The following SRGAP2 variants were observed in gnomAD, a reference collection of about 807,000 sequenced individuals.
The protein encoded by SRGAP2 is SLIT-ROBO Rho GTPase-activating protein 2.
Under a neutral mutation model 57.2 loss-of-function variants are expected in SRGAP2, and 15 were observed. That is an observed-to-expected ratio of 0.26 (90% CI 0.18 to 0.40). SRGAP2 has a LOEUF of 0.40. Ranked by LOEUF, SRGAP2 falls within the 10% of genes least tolerant of loss-of-function variation. The probability of loss-of-function intolerance (pLI) is 1.00; values close to 1 mark genes in which losing one functional copy is unlikely to be tolerated. For missense variants in SRGAP2, 520 were observed against 669.6 expected, an observed-to-expected ratio of 0.78 and a Z score of 2.47; for synonymous variants, 249 against 248.0, an observed-to-expected ratio of 1.00 and a Z score of -0.04.
intron 3 of SRGAP2, among the ~76,000 whole-genome samples, chr1:206,337,995 G>A (rs190912450): frequency 3.2e-4 from 48 of 152,160 alleles, no homozygotes; most frequent in South Asian, 6.2e-4. Flanking sequence ...TAATGTCTTC[G>A]AAGCTAATGA....
intron 3 of SRGAP2, among the ~76,000 whole-genome samples, chr1:206,320,842 A>G (rs1673408972): frequency 6.6e-6 from 1 of 152,032 alleles, no homozygotes; most frequent in Admixed American, 6.5e-5. Flanking sequence ...TCTCACACAC[A>G]TATTTTGTTT....
intron 2 of SRGAP2, among the ~76,000 whole-genome samples, chr1:206,295,692 C>T (rs1331591411): frequency 6.7e-6 from 1 of 150,316 alleles, no homozygotes; most frequent in East Asian, 1.9e-4. Flanking sequence ...AATTATATAT[C>T]TTGTGCAATT....
At chr1:206,272,763 T>C (rs2102659710) in intron 2 of SRGAP2, among the ~76,000 whole-genome samples, 1 of 152,302 alleles carries the variant, frequency 6.6e-6, no homozygotes, top group East Asian at 1.9e-4. Flanking sequence ...AATCCCCATC[T>C]TTCCCCAACC....
chr1:206,384,352 G>C (rs1188542410), intron 5 of SRGAP2, among the ~76,000 whole-genome samples: 2 of 151,968 alleles, frequency 1.3e-5, no homozygotes, highest in Non-Finnish European at 2.9e-5. Flanking sequence ...CCAAAGTCTA[G>C]GTCATTGGCA....
In SRGAP2 at chr1:206,376,230, G is replaced by A. The variant is rs549785328; in HGVS notation, c.424-7784G>A. ...ACTTTTTATCGTCTTTCTTTGTTTC[G>A]TTTTGGGAGTTTTGTTTTTTTGTTT... On this transcript the variant is annotated intron_variant, in intron 4 of 22. Coordinates refer to ENST00000573034, the MANE Select transcript of SRGAP2 (RefSeq NM_015326.5). 9.2e-5 allele frequency among the ~76,000 whole-genome samples: 14 copies of A among 152,088 alleles called. No individual in the cohort carries two copies. The South Asian group carries it at 1.7e-3, about 18-fold the overall frequency.
At chr1:206,340,520 C>G (rs1322462559) in intron 3 of SRGAP2, among the ~76,000 whole-genome samples, 1 of 152,062 alleles carries the variant, frequency 6.6e-6, no homozygotes, top group Admixed American at 6.6e-5. Flanking sequence ...AGTATAGACC[C>G]CCCCCAATCC....
chr1:206,318,354 G>C (rs1168229732), intron 3 of SRGAP2, among the ~76,000 whole-genome samples: 1 of 152,102 alleles, frequency 6.6e-6, no homozygotes, highest in Non-Finnish European at 1.5e-5. Flanking sequence ...TTAAGAAAGG[G>C]TTGGCTTCTT....
intron 2 of SRGAP2, among the ~76,000 whole-genome samples, chr1:206,230,629 A>AT (rs782803531): frequency 0.012 from 1,760 of 143,922 alleles, 34 homozygotes; most frequent in African/African-American, 0.039. Flanking sequence ...ATGGAGCTGT[A>AT]TTTTTTTTTT....
chr1:206,425,690 A>G (rs545142888), intron 13 of SRGAP2, among the ~76,000 whole-genome samples: 5 of 151,858 alleles, frequency 3.3e-5, no homozygotes, highest in East Asian at 3.9e-4. Context: ...GCGCACCACA[A>G]CGCCTGGCTT....
At chr1:206,451,603 A>G (rs1663310915) in intron 19 of SRGAP2, among the ~76,000 whole-genome samples, 1 of 152,118 alleles carries the variant, frequency 6.6e-6, no homozygotes, top group South Asian at 2.1e-4. Flanking sequence ...CTGCTTATTT[A>G]GATCCTGATG....
chr1:206,335,336 T>G (rs1553333406), intron 3 of SRGAP2, among the ~76,000 whole-genome samples: 3 of 152,118 alleles, frequency 2.0e-5, no homozygotes, highest in African/African-American at 7.2e-5. Flanking sequence ...ACACATGGGA[T>G]GTAAACAAAG....
At chr1:206,359,326 A>G (rs2102985537) in intron 4 of SRGAP2, among the ~76,000 whole-genome samples, 1 of 82,680 alleles carries the variant, frequency 1.2e-5, no homozygotes, top group East Asian at 3.1e-4. Flanking sequence ...GCCATTGACA[A>G]TTTTAGGCAG....
intron 4 of SRGAP2, among the ~76,000 whole-genome samples, chr1:206,376,966 T>C (rs1399128856): frequency 6.6e-6 from 1 of 151,898 alleles, no homozygotes; most frequent in Non-Finnish European, 1.5e-5. Flanking sequence ...TTTGATCTCA[T>C]TGATTCAGCA....
chr1:206,303,231 G>A, intron 2 of SRGAP2, 50 bp from the exon 3 acceptor site: 1 of 1,342,158 alleles, frequency 7.5e-7, no homozygotes, highest in Non-Finnish European at 9.9e-7. Context: ...CATGCATGGT[G>A]GCTTATTTAG....
At chr1:206,400,307 CAG>C (rs1658019376) in intron 7 of SRGAP2, among the ~76,000 whole-genome samples, 1 of 149,238 alleles carries the variant, frequency 6.7e-6, no homozygotes, top group Non-Finnish European at 1.5e-5. Flanking sequence ...AATATTATCA[CAG>C]AGTTACAGAA....
chr1:206,434,580 G>A (rs1661564265), intron 14 of SRGAP2, among the ~76,000 whole-genome samples: 5 of 152,106 alleles, frequency 3.3e-5, no homozygotes, highest in Admixed American at 2.0e-4. Context: ...AAAGCCAACT[G>A]GTTTTTCCCT....
At chr1:206,238,731 T>A (rs1336319260) in intron 2 of SRGAP2, among the ~76,000 whole-genome samples, 1 of 152,118 alleles carries the variant, frequency 6.6e-6, no homozygotes, top group East Asian at 1.9e-4. Flanking sequence ...TGGCTGGGCA[T>A]TGGGCAGAGT....
At position 206,257,740 on chromosome 1, in the gene SRGAP2, A is replaced by G. The variant is rs868957354; in HGVS notation, c.68-45541A>G. On this transcript the variant is annotated intron_variant, in intron 2 of 22. Coordinates refer to ENST00000573034, the MANE Select transcript of SRGAP2 (RefSeq NM_015326.5). ...GTGGTGGTAGGAAAGCAGACTATATATATACATATATATATACTATATATA... is the reference window on the plus strand; with the variant it reads ...GTGGTGGTAGGAAAGCAGACTATATGTATACATATATATATACTATATATA... 5.9e-5 allele frequency among the ~76,000 whole-genome samples: 7 copies of G among 117,902 alleles called. 1 individual carries two copies. Among genetic ancestry groups the G allele is most frequent in the Non-Finnish European group, 7.2e-5 (4 of 55,780 alleles). 77.3% of individuals were successfully genotyped at this position (117,902 alleles called of 152,430 possible).
At chr1:206,309,197 C>A (rs1553323038) in intron 3 of SRGAP2, among the ~76,000 whole-genome samples, 1 of 144,636 alleles carries the variant, frequency 6.9e-6, no homozygotes, top group Non-Finnish European at 1.5e-5. Context: ...CCCTGGTTAA[C>A]AGGGAAAAGA....
Sources: allele counts gnomAD v4.1 joint callset (sites outside exome capture counted in the v4.1 genomes callset), GRCh38; gene constraint gnomAD v4.1.1; transcripts MANE v1.5; gene names NCBI Gene and HGNC (gene_info 2026-07-23, HGNC 2026-07-21).